Variants in CCDC138 observed in about 807,000 individuals in gnomAD.
The protein encoded by CCDC138 is coiled-coil domain-containing protein 138.
CCDC138 carries 66 observed loss-of-function variants against 82.3 expected under a neutral mutation model. The observed-to-expected ratio is 0.80, with a 90% CI of 0.66 to 0.98. CCDC138 has a LOEUF of 0.98. CCDC138 is among the 50% of genes least tolerant of loss of function. CCDC138 has a pLI of 0.00. For missense variants in CCDC138, 816 were observed against 758.9 expected, an observed-to-expected ratio of 1.08 and a Z score of -0.88; for synonymous variants, 297 against 265.4, an observed-to-expected ratio of 1.12 and a Z score of -1.16.
At position 108,832,216 on chromosome 2, in the gene CCDC138, G is replaced by A. The variant is rs145205349; in HGVS notation, c.1207-6969G>A. 4.9e-3 allele frequency among the ~76,000 whole-genome samples: 746 copies of A among 151,712 alleles called. 9 individuals carry two copies. Among genetic ancestry groups the A allele is most frequent in the African/African-American group, 0.017 (708 of 41,364 alleles). ...GGCTAATTTTTATATTAGTAGAGAC[G>A]GGGTTTTACCATGTTGGCCTGGCTG... On this transcript the variant is annotated intron_variant, in intron 10 of 14. Transcript: ENST00000295124.
At chr2:108,880,551 G>A (rs949221740), downstream of CCDC138, among the ~76,000 whole-genome samples, 6 of 152,132 alleles carry the variant, frequency 3.9e-5, no homozygotes, top group Admixed American at 6.5e-5. Context: ...TGACTCTCTT[G>A]TTAGAGTTTA....
At chr2:108,803,902 A>C (rs1682409280) in intron 6 of CCDC138, among the ~76,000 whole-genome samples, 1 of 152,236 alleles carries the variant, frequency 6.6e-6, no homozygotes, top group Non-Finnish European at 1.5e-5. Flanking sequence ...AAAAAGTTGG[A>C]CAATGAAAAT....
chr2:108,862,338 G>C (rs1693770510), intron 13 of CCDC138, among the ~76,000 whole-genome samples: 1 of 152,132 alleles, frequency 6.6e-6, no homozygotes, highest in South Asian at 2.1e-4. Context: ...TGTTTACAGT[G>C]CTCTAGGGAA....
Position 108,812,817 on chromosome 2 carries a change from C to G in CCDC138, c.934-3C>G. The G allele has an allele frequency of 6.2e-7, 1 of 1,612,304 alleles. No homozygotes were observed. The highest frequency in any genetic ancestry group is 1.7e-5 in the Admixed American group (1 of 59,858). On this transcript the variant is annotated splice_polypyrimidine_tract_variant and splice_region_variant and intron_variant, in intron 8 of 14. Transcript: ENST00000295124. Reference sequence around the variant, plus strand: ...TTTAATTCACGCATATATACTGTTGCAGAGGAAGTACGAGTTTATGACAAT... The same window carrying G: ...TTTAATTCACGCATATATACTGTTGGAGAGGAAGTACGAGTTTATGACAAT...
downstream of CCDC138, among the ~76,000 whole-genome samples, chr2:108,879,128 C>A (rs1558782358): frequency 6.6e-6 from 1 of 152,110 alleles, no homozygotes; most frequent in Non-Finnish European, 1.5e-5. Context: ...CCGTTGCAGT[C>A]TTTTATTTAT....
intron 4 of CCDC138, among the ~76,000 whole-genome samples, chr2:108,793,423 T>C (rs976861893): frequency 1.3e-5 from 2 of 152,116 alleles, no homozygotes; most frequent in Non-Finnish European, 2.9e-5. Context: ...GACAGTATAG[T>C]GCTGGCAAGG....
At position 108,798,539 on chromosome 2, in the gene CCDC138, A is replaced by G; in HGVS notation, c.688A>G (p.Lys230Glu). Residue 230 changes from lysine to glutamate, a missense_variant, in exon 6 of 15, where the codon AAA (lysine) becomes GAA (glutamate). Lys to Glu is a moderately conservative substitution (Grantham distance 56). Coordinates refer to ENST00000295124, the MANE Select transcript of CCDC138 (RefSeq NM_144978.3). ...ACATGAAAATGCCTTGAGTAAAATT[A>G]AAGGTGTTGAAGAAGAGGTTCTTAC... ...FRHENALSKIKGVEEEVLTRF... is the reference protein window; with the variant it reads ...FRHENALSKIEGVEEEVLTRF... The G allele has an allele frequency of 6.2e-7, 1 of 1,613,834 alleles. No homozygotes were observed. Among genetic ancestry groups the G allele is most frequent in the Non-Finnish European group, 8.5e-7 (1 of 1,179,810 alleles).
At chr2:108,857,713 A>G (rs1303956995) in intron 13 of CCDC138, among the ~76,000 whole-genome samples, 5 of 152,224 alleles carry the variant, frequency 3.3e-5, no homozygotes, top group African/African-American at 1.2e-4. Context: ...CAGTTTACTA[A>G]TGTAAGGAGT....
At chr2:108,853,017 A>G (rs1324401640) in intron 12 of CCDC138, among the ~76,000 whole-genome samples, 3 of 152,234 alleles carry the variant, frequency 2.0e-5, no homozygotes, top group Non-Finnish European at 4.4e-5. Flanking sequence ...TCTGCTCACA[A>G]ACATCACCAA....
intron 12 of CCDC138, among the ~76,000 whole-genome samples, 183 bp downstream of exon 12, chr2:108,847,113 T>A (rs1328900339): frequency 6.6e-6 from 1 of 152,248 alleles, no homozygotes; most frequent in African/African-American, 2.4e-5. Flanking sequence ...AAGTCTTTAG[T>A]TGGATTCTTG....
At chr2:108,815,351 T>G (rs1450347304) in intron 9 of CCDC138, among the ~76,000 whole-genome samples, 1 of 152,076 alleles carries the variant, frequency 6.6e-6, no homozygotes, top group Non-Finnish European at 1.5e-5. Flanking sequence ...ATGAAAAGTT[T>G]TCTTTTAGTA....
intron 11 of CCDC138, among the ~76,000 whole-genome samples, chr2:108,845,951 T>G (rs1690391282): frequency 6.6e-6 from 1 of 152,202 alleles, no homozygotes; most frequent in Non-Finnish European, 1.5e-5. Context: ...CTATTTCTAT[T>G]TTGCCCATTT....
chr2:108,867,879 A>G (rs1181821901), intron 13 of CCDC138, among the ~76,000 whole-genome samples: 1 of 152,242 alleles, frequency 6.6e-6, no homozygotes, highest in Non-Finnish European at 1.5e-5. Flanking sequence ...GTCCCGTGTA[A>G]TAAATAGCAT....
rs1187953987 is a variant in CCDC138 at position 108,815,311 on chromosome 2, C to T, written c.1042-630C>T. Among the ~76,000 whole-genome samples the T allele has an allele frequency of 4.0e-5, 6 of 151,780 alleles. No individual in the cohort carries two copies. In the East Asian group the frequency reaches 9.7e-4, roughly 24 times the overall value. On this transcript the variant is annotated intron_variant, in intron 9 of 14. Transcript: ENST00000295124. ...GTTAAGGCTAATTTTACTTTTTTTC[C>T]ATCTTATCAAACTTGGATAAAGAAT...
chr2:108,860,362 T>C (rs921081042), intron 13 of CCDC138, among the ~76,000 whole-genome samples: 7 of 152,274 alleles, frequency 4.6e-5, no homozygotes, highest in Admixed American at 4.6e-4. Flanking sequence ...GCTAGGACTT[T>C]AGTACTTTGT....
intron 7 of CCDC138, among the ~76,000 whole-genome samples, chr2:108,806,849 A>G (rs747494479): frequency 3.3e-5 from 5 of 152,240 alleles, no homozygotes; most frequent in Admixed American, 6.5e-5. Flanking sequence ...CAAGCTGAGG[A>G]GGCAAGGATT....
At chr2:108,822,933 G>T (rs1407548907) in intron 10 of CCDC138, among the ~76,000 whole-genome samples, 1 of 151,600 alleles carries the variant, frequency 6.6e-6, no homozygotes, top group East Asian at 1.9e-4. Context: ...AAAGAAGACT[G>T]GAATAACTCA....
rs781543391 is a variant in CCDC138 at position 108,788,874 on chromosome 2, A to T, written c.174A>T (p.Gly58=). 6.2e-6 allele frequency: 10 copies of T among 1,613,920 alleles called. No individual in the cohort carries two copies. The highest frequency in any genetic ancestry group is 8.5e-6 in the Non-Finnish European group (10 of 1,179,934). ...TSPGDLDIYS[G]DKVGSSLKYS... ...CAGGTGATTTGGATATCTACTCTGGAGATAAAGTTGGTTCATCGTTAAAAT... is the reference window on the plus strand; with the variant it reads ...CAGGTGATTTGGATATCTACTCTGGTGATAAAGTTGGTTCATCGTTAAAAT... Residue 58 remains glycine, a synonymous_variant, in exon 3 of 15, where the codon GGA becomes GGT. Transcript: ENST00000295124.
chr2:108,861,612 C>G (rs1693627098), intron 13 of CCDC138, among the ~76,000 whole-genome samples: 1 of 151,750 alleles, frequency 6.6e-6, no homozygotes, highest in Admixed American at 6.6e-5. Context: ...TCCTGAGTAG[C>G]TGGGACTACA....
Sources: gnomAD v4.1 joint callset for allele counts (sites outside exome capture counted in the v4.1 genomes callset) on GRCh38, gnomAD v4.1.1 for gene constraint, MANE v1.5 for transcripts, NCBI Gene and HGNC (gene_info 2026-07-23, HGNC 2026-07-21) for gene names.